Variants in JMJD1C observed in about 807,000 individuals in gnomAD.
The protein encoded by JMJD1C is jumonji domain containing 1C, also known as jumonji domain-containing protein 1C.
A neutral mutation model predicts 245.3 loss-of-function variants in JMJD1C; 31 were observed. The ratio of observed to expected loss-of-function variants is 0.13; its 90% CI spans 0.09 to 0.17. JMJD1C has a LOEUF of 0.17. JMJD1C is among the 10% of genes least tolerant of loss of function. JMJD1C has a pLI of 1.00. For missense variants in JMJD1C, 2,691 were observed against 3,000.2 expected (o/e 0.90, Z 2.41); for synonymous variants, 1,057 against 1,017.4 (o/e 1.04, Z -0.74).
intron 1 of JMJD1C, among the ~76,000 whole-genome samples, chr10:63,436,080 G>C (rs559579772): frequency 3.7e-4 from 56 of 152,270 alleles, no homozygotes; most frequent in African/African-American, 1.3e-3. Flanking sequence ...ATCTATGAAA[G>C]AGAAAAAAGA....
intron 2 of JMJD1C, among the ~76,000 whole-genome samples, chr10:63,274,121 C>T (rs1270354590): frequency 6.6e-6 from 1 of 152,118 alleles, no homozygotes. Flanking sequence ...AAAAGATGAA[C>T]AACAATCGTA....
intron 2 of JMJD1C, among the ~76,000 whole-genome samples, chr10:63,348,551 C>A (rs1472310733): frequency 1.3e-5 from 2 of 152,186 alleles, no homozygotes; most frequent in African/African-American, 2.4e-5. Context: ...TCTCATGAGT[C>A]AAGTCACCTT....
chr10:63,172,039 A>T (rs60482869), intron 24 of JMJD1C, among the ~76,000 whole-genome samples: 3,229 of 152,308 alleles, frequency 0.021, 113 homozygotes, highest in African/African-American at 0.072. Context: ...ACCCCACAGG[A>T]GAGGAAAGGT....
intron 2 of JMJD1C, among the ~76,000 whole-genome samples, chr10:63,310,344 C>T (rs1378843772): frequency 2.6e-5 from 4 of 152,116 alleles, no homozygotes; most frequent in South Asian, 2.1e-4. Flanking sequence ...TTCAAGACAA[C>T]AAAATGGGAA....
intron 2 of JMJD1C, among the ~76,000 whole-genome samples, chr10:63,352,931 T>G (rs1314590769): frequency 6.6e-6 from 1 of 152,096 alleles, no homozygotes; most frequent in Non-Finnish European, 1.5e-5. Context: ...GGTCCTAGAA[T>G]GCTATTCGGA....
chr10:63,358,270 A>G (rs1161109791), intron 2 of JMJD1C, among the ~76,000 whole-genome samples: 1 of 152,228 alleles, frequency 6.6e-6, no homozygotes, highest in Non-Finnish European at 1.5e-5. Context: ...AGGCAAAACC[A>G]GAAAAGTTCT....
chr10:63,228,134 G>A (rs774980284), intron 3 of JMJD1C, among the ~76,000 whole-genome samples: 14 of 151,978 alleles, frequency 9.2e-5, no homozygotes, highest in Non-Finnish European at 1.3e-4. Flanking sequence ...TGGCCAGAAA[G>A]TTAATATATT....
At position 63,443,700 on chromosome 10, in the gene JMJD1C, T is replaced by G. The variant is rs557512023; in HGVS notation, c.168+21795A>C. ...TATGCCACTGGTAATTTACTCTATC[T>G]CCAGTCACTCCCCACTCCCCAGAGG... is the stretch of plus-strand genomic sequence containing the variant. On this transcript the variant is annotated intron_variant, in intron 1 of 25. Transcript: ENST00000399262. Among the ~76,000 whole-genome samples the G allele has an allele frequency of 2.0e-5, 3 of 152,312 alleles. No homozygotes were observed. The East Asian group carries it at 5.8e-4, about 29-fold the overall frequency.
intron 1 of JMJD1C, among the ~76,000 whole-genome samples, chr10:63,398,364 C>CTG (rs1948636733): frequency 6.6e-6 from 1 of 152,060 alleles, no homozygotes; most frequent in African/African-American, 2.4e-5. Flanking sequence ...CTTCAATTAC[C>CTG]TGTATTTTAC....
intron 2 of JMJD1C, among the ~76,000 whole-genome samples, chr10:63,291,375 G>A (rs1320896110): frequency 6.7e-6 from 1 of 149,304 alleles, no homozygotes; most frequent in Non-Finnish European, 1.5e-5. Flanking sequence ...CCAACACTTT[G>A]GGAGGCCAAG....
At chr10:63,324,785 G>A (rs1237017686) in intron 2 of JMJD1C, among the ~76,000 whole-genome samples, 1 of 152,168 alleles carries the variant, frequency 6.6e-6, no homozygotes, top group South Asian at 2.1e-4. Context: ...AGGTTCCAGG[G>A]TGGTGGTTTA....
intron 2 of JMJD1C, among the ~76,000 whole-genome samples, chr10:63,295,780 G>A (rs1859303239): frequency 6.6e-6 from 1 of 151,650 alleles, no homozygotes; most frequent in Non-Finnish European, 1.5e-5. Flanking sequence ...CTGTTCTTAA[G>A]GAAAATACAA....
At chr10:63,466,142 C>CGGCGGT, upstream of JMJD1C, 1 of 181,976 alleles carries the variant, frequency 5.5e-6, no homozygotes. Context: ...GATCCAGAGG[C>CGGCGGT]GGCGGCGGCG....
In JMJD1C at chr10:63,198,579, T is replaced by G; in HGVS notation, c.5425A>C (p.Ile1809Leu). Residue 1809 changes from isoleucine to leucine, a missense_variant, in exon 12 of 26, where the codon ATA becomes CTA. Physicochemically the swap from Ile to Leu is conservative, Grantham distance 5 (BLOSUM62 2). Around this residue, in one of 9 missense-constraint regions of JMJD1C, gnomAD observed 139 missense variants for 270.5 expected, o/e 0.51. Transcript: ENST00000399262. ...ACTAATTGACAGAACTTATCACCTATTATATCCAAGATATATTTAGAAGTC... is the reference window on the plus strand; with the variant it reads ...ACTAATTGACAGAACTTATCACCTAGTATATCCAAGATATATTTAGAAGTC... ...IETSKYILDI[I>L]GDKFCQLVTS... The G allele has an allele frequency of 6.2e-7, 1 of 1,610,292 alleles. No homozygotes were observed. The highest frequency in any genetic ancestry group is 8.5e-7 in the Non-Finnish European group (1 of 1,177,234).
Position 63,168,034 on chromosome 10 carries a change from CTG to C in JMJD1C, c.*9_*10del, listed in dbSNP as rs752666345. ...AGTTCAACAACCTAAAAATATCAAA[CTG>C]GATCACACTTAATTTTCTTCCATAT... On this transcript the variant is annotated 3_prime_UTR_variant, in exon 26 of 26. Transcript: ENST00000399262. 116 of 1,473,994 alleles carry C rather than the reference CTG, an allele frequency of 7.9e-5. No individual in the cohort carries two copies. The Middle Eastern group carries it at 1.7e-3, about 22-fold the overall frequency. 91.3% of individuals were successfully genotyped at this position (1,473,994 alleles called of 1,614,324 possible). A position where few individuals can be genotyped will look rare whatever the true frequency, so the allele number is the denominator to read the frequency against.
intron 1 of JMJD1C, among the ~76,000 whole-genome samples, chr10:63,392,756 C>T (rs1273788811): frequency 7.1e-6 from 1 of 141,242 alleles, no homozygotes; most frequent in African/African-American, 2.7e-5. Context: ...ACACGGGAGG[C>T]AGAGGTTGCA....
At chr10:63,268,888 C>G (rs944135683) in intron 2 of JMJD1C, 1 of 985,678 alleles carries the variant, frequency 1.0e-6, no homozygotes, top group Non-Finnish European at 1.2e-6. Flanking sequence ...GACCACAGAA[C>G]GAAGCAGGAG....
chr10:63,311,943 G>A (rs1939263286), intron 2 of JMJD1C, among the ~76,000 whole-genome samples: 1 of 152,092 alleles, frequency 6.6e-6, no homozygotes, highest in Admixed American at 6.6e-5. Flanking sequence ...TCACTTAATT[G>A]TTTCTTCTGA....
chr10:63,186,422 T>C (rs778662959), intron 18 of JMJD1C, 39 bp from the exon 19 acceptor site: 56 of 1,469,212 alleles, frequency 3.8e-5, no homozygotes, highest in African/African-American at 8.6e-5. Context: ...AAAAGATATA[T>C]AGACTTTCTT....
Sources: gnomAD v4.1 joint callset for allele counts (sites outside exome capture counted in the v4.1 genomes callset) on GRCh38, gnomAD v4.1.1 for gene constraint, gnomAD v4.1.1 regional missense constraint, MANE v1.5 for transcripts, NCBI Gene and HGNC (gene_info 2026-07-23, HGNC 2026-07-21) for gene names.